Variants in SGSM2 observed in about 807,000 individuals in gnomAD.
SGSM2 encodes the protein small G protein signaling modulator 2, also known as RUN and TBC1 domain containing 1.
In SGSM2, 89 loss-of-function variants were observed where a neutral mutation model predicts 126.6. The observed-to-expected ratio is 0.70, with a 90% CI of 0.59 to 0.84. SGSM2 has a LOEUF of 0.84. Among genes scored for constraint, SGSM2 ranks in the 40% least tolerant of loss-of-function variants. The pLI is 0.00. For missense variants in SGSM2, 1,404 were observed against 1,416.6 expected (o/e 0.99, Z 0.14); for synonymous variants, 614 against 574.3 (o/e 1.07, Z -0.99).
At chr17:2,368,691 C>T (rs1246948413) in intron 12 of SGSM2, among the ~76,000 whole-genome samples, 2 of 151,744 alleles carry the variant, frequency 1.3e-5, no homozygotes, top group Non-Finnish European at 1.5e-5. Flanking sequence ...AATATGAGCC[C>T]GTAGGCCAGG....
chr17:2,338,055 G>C (rs1567791267), intron 1 of SGSM2, among the ~76,000 whole-genome samples: 1 of 152,040 alleles, frequency 6.6e-6, no homozygotes, highest in African/African-American at 2.4e-5. Flanking sequence ...GGGATGGCTG[G>C]ATCCGGAGCT....
chr17:2,357,643 G>A (rs1435358832), intron 2 of SGSM2, among the ~76,000 whole-genome samples: 1 of 152,048 alleles, frequency 6.6e-6, no homozygotes, highest in Non-Finnish European at 1.5e-5. Context: ...GACTACAGGT[G>A]CCCACCACGA....
chr17:2,377,757 G>C, intron 21 of SGSM2, 100 bp from the exon 22 acceptor site: 1 of 751,820 alleles, frequency 1.3e-6, no homozygotes, highest in Non-Finnish European at 2.4e-6. Flanking sequence ...TGCCAGGTTG[G>C]GGATCGCCTG....
At chr17:2,340,775 G>C (rs370975336) in intron 1 of SGSM2, among the ~76,000 whole-genome samples, 11 of 151,632 alleles carry the variant, frequency 7.3e-5, no homozygotes, top group Admixed American at 4.6e-4. Flanking sequence ...TAGTAGAGAC[G>C]GGGTTTCACC....
intron 21 of SGSM2, 94 bp from the exon 22 acceptor site, chr17:2,377,763 G>A (rs1360868840): frequency 2.7e-5 from 21 of 783,266 alleles, no homozygotes; most frequent in Admixed American, 2.4e-4. Flanking sequence ...GTTGGGGATC[G>A]CCTGCATCCC....
Position 2,372,358 on chromosome 17 carries a change from G to A in SGSM2, c.1658G>A (p.Arg553His), listed in dbSNP as rs1000822704. Residue 553 changes from arginine (R) to histidine (H), a missense_variant, in exon 15 of 24, where the codon CGC (arginine) becomes CAC (histidine). Arg to His is a conservative substitution (Grantham distance 29). Transcript: ENST00000268989. This position sits in a 1 kb window ranked among gnomAD's most constrained non-coding sequence, Gnocchi z 6.0. Reference protein sequence around the residue: ...RAFYGWLAHCRHLSTVRTHLS... With the variant: ...RAFYGWLAHCHHLSTVRTHLS... ...CCCACCGCAGGGCTGGCACACTGCC[G>A]CCACCTGTCCACGGTGCGGACCCAC... 5.7e-6 allele frequency: 9 copies of A among 1,592,542 alleles called. No individual in the cohort carries two copies. The highest frequency in any genetic ancestry group is 1.8e-5 in the Admixed American group (1 of 55,938).
chr17:2,337,803 G>A lies in SGSM2; in HGVS notation c.57+58G>A. ...CGCCCTGGCCCGCGCGGCCCAGGGGGCAGAAAGGTCCGCGCCCACCCCCCG... is the reference window on the plus strand; with the variant it reads ...CGCCCTGGCCCGCGCGGCCCAGGGGACAGAAAGGTCCGCGCCCACCCCCCG... On this transcript the variant is annotated intron_variant, in intron 1 of 23. Coordinates refer to ENST00000268989, the MANE Select transcript of SGSM2 (RefSeq NM_014853.3). This position sits in a 1 kb window ranked among gnomAD's most constrained non-coding sequence, Gnocchi z 5.1. The A allele has an allele frequency of 1.5e-6, 2 of 1,370,336 alleles. No individual in the cohort carries two copies. The highest frequency in any genetic ancestry group is 1.4e-5 in the South Asian group (1 of 70,908). The allele number at this position is 1,370,336 out of a possible 1,614,324, so 84.9% of individuals were successfully genotyped here. A position where few individuals can be genotyped will look rare whatever the true frequency, so the allele number is the denominator to read the frequency against.
chr17:2,365,431 G>A, intron 11 of SGSM2, 90 bp downstream of exon 11: 1 of 1,420,046 alleles, frequency 7.0e-7, no homozygotes. Context: ...CAGCAGGCAG[G>A]GCCCACTGAC....
In SGSM2 at chr17:2,348,045, C is replaced by T. The variant is rs76638837; in HGVS notation, c.133+4425C>T. Among the ~76,000 whole-genome samples, 1,675 of 152,176 alleles carry T rather than the reference C, an allele frequency of 0.011. 100 individuals carry two copies. The East Asian group carries it at 0.16, about 14-fold the overall frequency. ...TTCAGACTGAGGATGAGCTGTAATT[C>T]GAGAAGGGTGGAATCTGTGGAGCCG... On this transcript the variant is annotated intron_variant, in intron 2 of 23. Transcript: ENST00000268989.
At chr17:2,347,162 G>A (rs892208898) in intron 2 of SGSM2, among the ~76,000 whole-genome samples, 4 of 152,142 alleles carry the variant, frequency 2.6e-5, no homozygotes, top group African/African-American at 9.7e-5. Flanking sequence ...CTGGAGTTCT[G>A]TGGTGCTATC....
chr17:2,362,710 T>C lies in SGSM2; in HGVS notation c.459-128T>C, dbSNP rs2065373436. 4.2e-6 allele frequency: 4 copies of C among 943,462 alleles called. No individual in the cohort carries two copies. The Admixed American group carries it at 6.0e-5, about 14-fold the overall frequency. The allele number at this position is 943,462 out of a possible 1,614,324, so 58.4% of individuals were successfully genotyped here. A position where few individuals can be genotyped will look rare whatever the true frequency, so the allele number is the denominator to read the frequency against. On this transcript the variant is annotated intron_variant, in intron 4 of 23. Coordinates refer to ENST00000268989, the MANE Select transcript of SGSM2 (RefSeq NM_014853.3). The surrounding 1 kb of genome is among the most constrained non-coding windows in gnomAD (Gnocchi z 4.9). Reference sequence around the variant, plus strand: ...CAGGCACCTCACGAAGCCCAGTCCCTAAGGACTCACTGTTTCTTGATGACT... The same window carrying C: ...CAGGCACCTCACGAAGCCCAGTCCCCAAGGACTCACTGTTTCTTGATGACT...
intron 2 of SGSM2, among the ~76,000 whole-genome samples, chr17:2,347,459 A>C (rs1597316940): frequency 1.4e-5 from 2 of 145,470 alleles, no homozygotes; most frequent in South Asian, 4.4e-4. Flanking sequence ...ACTGTTGGGG[A>C]GAGGTCTTTG....
chr17:2,378,211 C>T (rs906099699), intron 22 of SGSM2, among the ~76,000 whole-genome samples: 2 of 152,168 alleles, frequency 1.3e-5, no homozygotes, highest in African/African-American at 4.8e-5. Context: ...GTGAGAGGAT[C>T]GCTTGCACCC....
Position 2,337,663 on chromosome 17 carries a change from C to A in SGSM2, c.-26C>A, listed in dbSNP as rs1366061173. 7 of 1,444,822 alleles carry A rather than the reference C, an allele frequency of 4.8e-6. No individual in the cohort carries two copies. The highest frequency in any genetic ancestry group is 6.4e-6 in the Non-Finnish European group (7 of 1,085,658). 89.5% of individuals were successfully genotyped at this position (1,444,822 alleles called of 1,614,324 possible). A position where few individuals can be genotyped will look rare whatever the true frequency, so the allele number is the denominator to read the frequency against. On this transcript the variant is annotated 5_prime_UTR_variant, in exon 1 of 24. Coordinates refer to ENST00000268989, the MANE Select transcript of SGSM2 (RefSeq NM_014853.3). The surrounding 1 kb of genome is among the most constrained non-coding windows in gnomAD (Gnocchi z 5.1). ...GCGAGGGCGCGGGGGCTCTGAGGAC[C>A]GCTCGGCGCCGCCTCCTGCCACACC...
At chr17:2,379,273 A>T in intron 23 of SGSM2, 70 bp downstream of exon 23, 1 of 1,582,024 alleles carries the variant, frequency 6.3e-7, no homozygotes, top group Non-Finnish European at 8.7e-7. Context: ...TGCCCCGCAC[A>T]CAGCTGGAGG....
At chr17:2,377,109 G>C (rs762237397) in intron 21 of SGSM2, 41 bp downstream of exon 21, 31 of 1,322,460 alleles carry the variant, frequency 2.3e-5, no homozygotes, top group Non-Finnish European at 3.3e-5. Context: ...AGCAGGCAGT[G>C]CTGGGCTGGT....
chr17:2,359,456 G>T (rs2065221772), intron 2 of SGSM2, among the ~76,000 whole-genome samples: 3 of 152,232 alleles, frequency 2.0e-5, no homozygotes, highest in Admixed American at 6.5e-5. Context: ...GCATGAGAGG[G>T]ATTTCTCCTT....
intron 1 of SGSM2, among the ~76,000 whole-genome samples, chr17:2,341,834 A>G (rs1411008135): frequency 2.0e-5 from 3 of 152,192 alleles, no homozygotes; most frequent in South Asian, 2.1e-4. Context: ...TGCATCAGAC[A>G]TTCCTTGCCT....
chr17:2,378,584 T>C (rs927406742), intron 22 of SGSM2, among the ~76,000 whole-genome samples: 3 of 151,760 alleles, frequency 2.0e-5, no homozygotes, highest in South Asian at 2.1e-4. Flanking sequence ...AAAATTTCCA[T>C]AGGTGATTCC....
Sources: allele counts gnomAD v4.1 joint callset (sites outside exome capture counted in the v4.1 genomes callset), GRCh38; gene constraint gnomAD v4.1.1; non-coding constraint Gnocchi (gnomAD v3.1); transcripts MANE v1.5; gene names NCBI Gene and HGNC (gene_info 2026-07-23, HGNC 2026-07-21).